NRK: variants seen among roughly 807,000 people sequenced by gnomAD.
NRK encodes Nik related kinase.
A neutral mutation model predicts 125.2 loss-of-function variants in NRK; 67 were observed. That is an observed-to-expected ratio of 0.54 (90% CI 0.44 to 0.66). NRK has a LOEUF of 0.66. Among genes scored for constraint, NRK ranks in the 30% least tolerant of loss-of-function variants. The pLI is 0.00. For synonymous variants in NRK, 458 were observed against 429.0 expected (o/e 1.07, Z -0.84); for missense variants, 1,224 against 1,192.9 (o/e 1.03, Z -0.38).
Position 105,935,812 on chromosome X carries a change from T to TA in NRK, c.3655+487_3655+488insA, listed in dbSNP as rs2040657501. ...TCTATATATATTATATTTATTATAT[T>TA]TTATATATATATATATATACACAAC... is the stretch of plus-strand genomic sequence containing the variant. On this transcript the variant is annotated intron_variant, in intron 21 of 28. Coordinates refer to ENST00000243300, the MANE Select transcript of NRK (RefSeq NM_198465.4). Among the ~76,000 whole-genome samples, 3 of 97,245 alleles carry TA rather than the reference T, an allele frequency of 3.1e-5. 1 individual carries two copies. The highest frequency in any genetic ancestry group is 8.1e-4 in the South Asian group (2 of 2,470). The allele number at this position is 97,245 out of a possible 115,157, so 84.4% of individuals were successfully genotyped here. A position where few individuals can be genotyped will look rare whatever the true frequency, so the allele number is the denominator to read the frequency against.
intron 2 of NRK, among the ~76,000 whole-genome samples, chrX:105,861,107 G>A (rs2039597051): frequency 9.0e-6 from 1 of 111,391 alleles, no homozygotes; most frequent in African/African-American, 3.3e-5. Context: ...GGTATATGAA[G>A]TTCCAATTTC....
At position 105,955,772 on chromosome X, in the gene NRK, T is replaced by A; in HGVS notation, c.*172T>A. 1 of 387,635 alleles carries A rather than the reference T, an allele frequency of 2.6e-6. No individual in the cohort carries two copies. Among genetic ancestry groups the A allele is most frequent in the Non-Finnish European group, 4.6e-6 (1 of 218,815 alleles). 31.9% of individuals were successfully genotyped at this position (387,635 alleles called of 1,213,427 possible). On this transcript the variant is annotated 3_prime_UTR_variant, in exon 29 of 29. Transcript: ENST00000243300. Reference sequence around the variant, plus strand: ...TTAATGAGAAATGCAGCTTTATGTATAAAATTAACTATAGCAAGCTCTAGG... The same window carrying A: ...TTAATGAGAAATGCAGCTTTATGTAAAAAATTAACTATAGCAAGCTCTAGG...
At chrX:105,923,084 C>T (rs779576515) in intron 17 of NRK, 34 bp from the exon 18 acceptor site, 2 of 1,140,130 alleles carry the variant, frequency 1.8e-6, no homozygotes, top group East Asian at 6.0e-5. Flanking sequence ...ATGAAAGCTA[C>T]TAGAGGCTAC....
intron 19 of NRK, among the ~76,000 whole-genome samples, chrX:105,926,968 T>C (rs1441665410): frequency 9.0e-6 from 1 of 111,537 alleles, no homozygotes; most frequent in East Asian, 2.8e-4. Flanking sequence ...ATTCTAGGTC[T>C]TTTTTGGTTC....
chrX:105,888,644 G>C (rs1194697122), intron 5 of NRK, among the ~76,000 whole-genome samples: 1 of 111,297 alleles, frequency 9.0e-6, no homozygotes, highest in Non-Finnish European at 1.9e-5. Flanking sequence ...ATAAAGGAAA[G>C]AGTTTTCATT....
rs1308029597 is a variant in NRK, at chrX:105,909,075, C to A, written c.1434C>A (p.Leu478=). The A allele has an allele frequency of 8.3e-7, 1 of 1,210,750 alleles. No individual in the cohort carries two copies. Among genetic ancestry groups the A allele is most frequent in the Non-Finnish European group, 1.1e-6 (1 of 894,594 alleles). The change falls in exon 13 of 29, where the codon CTC becomes CTA. Residue 478 remains leucine, a synonymous_variant. Coordinates refer to ENST00000243300, the MANE Select transcript of NRK (RefSeq NM_198465.4). ...PPRLRRAARV[L]MPLQAQVRAP... is the part of the protein sequence containing the mutation. The stretch of plus-strand genomic sequence containing the variant: ...GACTACGGAGGGCAGCCAGGGTGCT[C>A]ATGCCACTACAGGCACAGGTTAGGG...
At chrX:105,943,743 G>A (rs1018541317) in intron 23 of NRK, among the ~76,000 whole-genome samples, 198 bp from the exon 24 acceptor site, 6 of 111,886 alleles carry the variant, frequency 5.4e-5, no homozygotes, top group African/African-American at 1.9e-4. Flanking sequence ...TCTTGAAGGC[G>A]AATATGTATA....
intron 9 of NRK, among the ~76,000 whole-genome samples, chrX:105,904,417 A>G (rs1313688171): frequency 2.7e-5 from 3 of 112,035 alleles, no homozygotes; most frequent in African/African-American, 9.7e-5. Flanking sequence ...GTAATTTGGC[A>G]CAGTCTCAAA....
At chrX:105,920,568 C>A (rs1446624217) in intron 16 of NRK, among the ~76,000 whole-genome samples, 7 of 109,349 alleles carry the variant, frequency 6.4e-5, no homozygotes, top group Non-Finnish European at 1.3e-4. Context: ...CTTTTATTTC[C>A]TTGAGCAGTG....
intron 6 of NRK, among the ~76,000 whole-genome samples, chrX:105,894,316 A>C (rs2040053443): frequency 8.9e-6 from 1 of 112,195 alleles, no homozygotes. Context: ...AGAAGTCAGT[A>C]TTTTATGGAA....
intron 9 of NRK, among the ~76,000 whole-genome samples, chrX:105,902,125 TA>T (rs2147737618): frequency 9.1e-6 from 1 of 110,423 alleles, no homozygotes; most frequent in African/African-American, 3.3e-5. Flanking sequence ...TTTTTTTTTT[TA>T]TTCCAAAATA....
intron 16 of NRK, among the ~76,000 whole-genome samples, chrX:105,920,741 C>G (rs1235766171): frequency 1.3e-4 from 14 of 109,178 alleles, no homozygotes; most frequent in Non-Finnish European, 2.1e-4. Context: ...TGCTCATCGT[C>G]ACTGGCCATC....
intron 24 of NRK, 31 bp downstream of exon 24, chrX:105,944,072 T>A: frequency 1.3e-6 from 1 of 784,083 alleles, no homozygotes; most frequent in Non-Finnish European, 1.9e-6. Context: ...TTGGATTATA[T>A]GATTTTTTAT....
At chrX:105,866,025 A>C (rs2039665242) in intron 2 of NRK, among the ~76,000 whole-genome samples, 1 of 109,924 alleles carries the variant, frequency 9.1e-6, no homozygotes, top group South Asian at 3.8e-4. Flanking sequence ...AAAAAAAAAA[A>C]AAACATAAAA....
At chrX:105,948,769 G>A (rs1166459763) in intron 26 of NRK, 1 of 436,182 alleles carries the variant, frequency 2.3e-6, no homozygotes, top group Admixed American at 4.1e-5. Flanking sequence ...GGCAAGTATA[G>A]TTTCTGACTT....
At chrX:105,826,056 C>A (rs184993750) in intron 1 of NRK, among the ~76,000 whole-genome samples, 5,894 of 93,530 alleles carry the variant, frequency 0.063, 231 homozygotes, top group African/African-American at 0.14. Flanking sequence ...CTCTCTCTCT[C>A]TATATATATA....
chrX:105,932,005 T>A (rs1023713185), intron 19 of NRK, among the ~76,000 whole-genome samples: 6 of 111,334 alleles, frequency 5.4e-5, no homozygotes, highest in African/African-American at 2.0e-4. Context: ...TAAGTCTTGT[T>A]TCCCCCCTCC....
At chrX:105,947,572 C>A (rs1037418869) in intron 26 of NRK, among the ~76,000 whole-genome samples, 1 of 110,972 alleles carries the variant, frequency 9.0e-6, no homozygotes, top group South Asian at 3.7e-4. Context: ...ACACACCATA[C>A]AAAATATAAT....
intron 2 of NRK, among the ~76,000 whole-genome samples, chrX:105,854,263 GCCAAACAGACTAACTGGTCTCTT>G (rs1385500791): frequency 9.0e-6 from 1 of 111,717 alleles, no homozygotes; most frequent in Non-Finnish European, 1.9e-5. Flanking sequence ...TTAGTCTGCT[GCCAAACAGACTAACTGGTCTCTT>G]CCAGCCAACT....
Sources: gnomAD v4.1 joint callset for allele counts (sites outside exome capture counted in the v4.1 genomes callset) on GRCh38, gnomAD v4.1.1 for gene constraint, MANE v1.5 for transcripts, NCBI Gene and HGNC (gene_info 2026-07-23, HGNC 2026-07-21) for gene names.